NUP37: variants seen among roughly 807,000 people sequenced by gnomAD.
NUP37 encodes the protein nucleoporin 37.
NUP37 carries 33 observed loss-of-function variants against 45.4 expected under a neutral mutation model. The observed-to-expected ratio is 0.73, with a 90% CI of 0.55 to 0.97. The LOEUF (loss-of-function observed/expected upper bound fraction) is 0.97. NUP37 is among the 50% of genes least tolerant of loss of function. NUP37 has a pLI of 0.00. For synonymous variants in NUP37, 127 were observed against 130.7 expected (o/e 0.97, Z 0.19); for missense variants, 365 against 389.7 (o/e 0.94, Z 0.53).
chr12:102,104,817 T>C (rs1048724875), intron 3 of NUP37, among the ~76,000 whole-genome samples: 7 of 152,250 alleles, frequency 4.6e-5, no homozygotes, highest in Admixed American at 3.3e-4. Context: ...TATTTATCTT[T>C]ATGCCAGTAC....
intron 5 of NUP37, among the ~76,000 whole-genome samples, chr12:102,087,975 T>G (rs1879519937): frequency 6.6e-6 from 1 of 152,172 alleles, no homozygotes; most frequent in Non-Finnish European, 1.5e-5. Context: ...ACCTGACATT[T>G]AAGAAAACTA....
intron 6 of NUP37, among the ~76,000 whole-genome samples, chr12:102,085,327 TGA>T (rs1879437843): frequency 6.6e-6 from 1 of 151,708 alleles, no homozygotes; most frequent in African/African-American, 2.4e-5. Context: ...GAGGCTGAGG[TGA>T]GAGGATCACT....
At position 102,106,681 on chromosome 12, in the gene NUP37, A is replaced by C. The variant is rs138987896; in HGVS notation, c.281+5427T>G. Reference sequence around the variant, plus strand: ...ATGAATTATAAAAATAGGTGCTTTGATTTGGGACATTACAGGTCTGGCAAA... The same window carrying C: ...ATGAATTATAAAAATAGGTGCTTTGCTTTGGGACATTACAGGTCTGGCAAA... On this transcript the variant is annotated intron_variant, in intron 3 of 9. Coordinates refer to ENST00000552283, the MANE Select transcript of NUP37 (RefSeq NM_024057.4). 1.9e-3 allele frequency among the ~76,000 whole-genome samples: 285 copies of C among 152,308 alleles called. 1 individual carries two copies. The highest frequency in any genetic ancestry group is 6.2e-3 in the African/African-American group (258 of 41,580).
At chr12:102,110,531 A>G (rs917116689) in intron 3 of NUP37, among the ~76,000 whole-genome samples, 4 of 151,746 alleles carry the variant, frequency 2.6e-5, no homozygotes, top group Admixed American at 6.6e-5. Context: ...AAAAAAAAAG[A>G]AAGATTGACA....
Position 102,101,127 on chromosome 12 carries a change from A to T in NUP37, c.282-23T>A, listed in dbSNP as rs370498221. On this transcript the variant is annotated intron_variant, in intron 3 of 9. Coordinates refer to ENST00000552283, the MANE Select transcript of NUP37 (RefSeq NM_024057.4). ...AATCTGGAAGCAAAAAAACAAAAATATACCAATTTTTAGCCTTTGTAAGTG... is the reference window on the plus strand; with the variant it reads ...AATCTGGAAGCAAAAAAACAAAAATTTACCAATTTTTAGCCTTTGTAAGTG... The T allele has an allele frequency of 5.5e-6, 8 of 1,462,382 alleles. No individual in the cohort carries two copies. In the South Asian group the frequency reaches 8.7e-5, roughly 16 times the overall value. 90.6% of individuals were successfully genotyped at this position (1,462,382 alleles called of 1,614,324 possible).
At chr12:102,076,592 A>G (rs188492595) in intron 8 of NUP37, among the ~76,000 whole-genome samples, 2 of 152,302 alleles carry the variant, frequency 1.3e-5, no homozygotes, top group Admixed American at 1.3e-4. Context: ...TTCTGTGTAA[A>G]GAAAATATTT....
In NUP37 at chr12:102,074,368, C is replaced by A; in HGVS notation, c.967G>T (p.Val323Leu). 1 of 1,609,754 alleles carries A rather than the reference C, an allele frequency of 6.2e-7. No individual in the cohort carries two copies. Among genetic ancestry groups the A allele is most frequent in the Non-Finnish European group, 8.5e-7 (1 of 1,176,924 alleles). ...IGGDHKLLFW[V>L]TEV Reference sequence around the variant, plus strand: ...CAGAAAACACTTTATACTTCAGTCACCCAAAACAACAGCTTGTGGTCTCCT... The same window carrying A: ...CAGAAAACACTTTATACTTCAGTCAACCAAAACAACAGCTTGTGGTCTCCT... Residue 323 changes from valine to leucine, a missense_variant, in exon 10 of 10, where the codon GTG (valine) becomes TTG (leucine). Val to Leu is a conservative substitution (Grantham distance 32). Coordinates refer to ENST00000552283, the MANE Select transcript of NUP37 (RefSeq NM_024057.4).
intron 6 of NUP37, among the ~76,000 whole-genome samples, chr12:102,082,651 CCAGG>C (rs370274689): frequency 1.8e-4 from 27 of 152,162 alleles, no homozygotes; most frequent in African/African-American, 5.3e-4. Flanking sequence ...GGATCTGACT[CCAGG>C]CAGTTAATTC....
At chr12:102,095,408 T>A (rs1028492190) in intron 5 of NUP37, among the ~76,000 whole-genome samples, 2 of 152,116 alleles carry the variant, frequency 1.3e-5, no homozygotes, top group African/African-American at 4.8e-5. Context: ...TCAGTATTTT[T>A]ATCAACCTGT....
chr12:102,104,076 T>G (rs1377830563), intron 3 of NUP37, among the ~76,000 whole-genome samples: 1 of 152,212 alleles, frequency 6.6e-6, no homozygotes, highest in African/African-American at 2.4e-5. Context: ...CATTGCTACA[T>G]ACTGACCAAC....
At chr12:102,089,460 C>T (rs1424614673) in intron 5 of NUP37, among the ~76,000 whole-genome samples, 1 of 148,990 alleles carries the variant, frequency 6.7e-6, no homozygotes, top group Non-Finnish European at 1.5e-5. Context: ...GACGGGGCGG[C>T]CGGGCAGAGG....
At position 102,101,104 on chromosome 12, in the gene NUP37, T is replaced by A; in HGVS notation, c.282A>T (p.Lys94Asn). 6.4e-7 allele frequency: 1 copy of A among 1,556,956 alleles called. No homozygotes were observed. Among genetic ancestry groups the A allele is most frequent in the Non-Finnish European group, 8.7e-7 (1 of 1,149,784 alleles). Reference protein sequence around the residue: ...TRLDSLPPVIKFCTSAADMKI... With the variant: ...TRLDSLPPVINFCTSAADMKI... ...TCATATCAGCAGCTGAAGTACAAAATCTGGAAGCAAAAAAACAAAAATATA... is the reference window on the plus strand; with the variant it reads ...TCATATCAGCAGCTGAAGTACAAAAACTGGAAGCAAAAAAACAAAAATATA... Residue 94 changes from lysine (K) to asparagine (N), a missense_variant and splice_region_variant, in exon 4 of 10, where the codon AAA (lysine) becomes AAT (asparagine). Coordinates refer to ENST00000552283, the MANE Select transcript of NUP37 (RefSeq NM_024057.4).
intron 2 of NUP37, 66 bp downstream of exon 2, chr12:102,118,297 G>A (rs991745700): frequency 7.3e-7 from 1 of 1,367,820 alleles, no homozygotes; most frequent in Non-Finnish European, 9.8e-7. Flanking sequence ...TTTAGATTTG[G>A]TTTGTGTAAG....
At chr12:102,099,946 A>G (rs1179549002) in intron 4 of NUP37, among the ~76,000 whole-genome samples, 3 of 152,118 alleles carry the variant, frequency 2.0e-5, no homozygotes, top group African/African-American at 4.8e-5. Flanking sequence ...AAGCAGTTCT[A>G]TATAGTACTG....
At chr12:102,119,745 G>C (rs1470105962) in intron 1 of NUP37, among the ~76,000 whole-genome samples, 1 of 152,100 alleles carries the variant, frequency 6.6e-6, no homozygotes, top group Non-Finnish European at 1.5e-5. Flanking sequence ...CAAGAGATTC[G>C]AGGTCACGAA....
chr12:102,077,871 C>A (rs1176191840), intron 6 of NUP37, among the ~76,000 whole-genome samples: 2 of 152,032 alleles, frequency 1.3e-5, no homozygotes, highest in East Asian at 3.9e-4. Flanking sequence ...GCAAATATTA[C>A]AAAATGCAAA....
At position 102,098,535 on chromosome 12, in the gene NUP37, GT is replaced by G. The variant is rs1264333347; in HGVS notation, c.449+570del. 3.9e-3 allele frequency among the ~76,000 whole-genome samples: 555 copies of G among 141,986 alleles called. 2 individuals carry two copies. Among genetic ancestry groups the G allele is most frequent in the African/African-American group, 0.011 (425 of 39,106 alleles). 93.1% of individuals were successfully genotyped at this position (141,986 alleles called of 152,430 possible). On this transcript the variant is annotated intron_variant, in intron 5 of 9. Coordinates refer to ENST00000552283, the MANE Select transcript of NUP37 (RefSeq NM_024057.4). ...GAAGAATTTGATCCAATATGTTTGT[GT>G]TTTTTTTTTTTTTGAGATGGAGTGT...
At chr12:102,100,536 G>A (rs548451355) in intron 4 of NUP37, among the ~76,000 whole-genome samples, 1 of 152,256 alleles carries the variant, frequency 6.6e-6, no homozygotes, top group East Asian at 1.9e-4. Flanking sequence ...CATTTTACAG[G>A]TAAGGATATT....
intron 6 of NUP37, among the ~76,000 whole-genome samples, chr12:102,084,357 A>AT (rs1233002324): frequency 4.6e-5 from 7 of 152,226 alleles, no homozygotes; most frequent in Non-Finnish European, 8.8e-5. Context: ...GAGAAAAAGC[A>AT]TGGAGATGGC....
Sources: gnomAD v4.1 joint callset for allele counts (sites outside exome capture counted in the v4.1 genomes callset) on GRCh38, gnomAD v4.1.1 for gene constraint, MANE v1.5 for transcripts, NCBI Gene and HGNC (gene_info 2026-07-23, HGNC 2026-07-21) for gene names.